AHCTF1: variants seen among roughly 807,000 people sequenced by gnomAD.
The protein encoded by AHCTF1 is protein ELYS.
Under a neutral mutation model 248.4 loss-of-function variants are expected in AHCTF1, and 24 were observed. The ratio of observed to expected loss-of-function variants is 0.10; its 90% CI spans 0.07 to 0.14. The LOEUF is 0.14. AHCTF1 is among the 10% of genes least tolerant of loss of function. AHCTF1 has a pLI of 1.00. For synonymous variants in AHCTF1, 786 were observed against 929.8 expected, an observed-to-expected ratio of 0.85 and a Z score of 2.81; for missense variants, 2,206 against 2,636.2, an observed-to-expected ratio of 0.84 and a Z score of 3.57.
At chr1:246,858,515 A>G (rs1572373496) in intron 29 of AHCTF1, among the ~76,000 whole-genome samples, 1 of 151,884 alleles carries the variant, frequency 6.6e-6, no homozygotes, top group Admixed American at 6.6e-5. Flanking sequence ...GTTGTATGAA[A>G]CCCCACCCAC....
At chr1:246,913,445 C>T (rs759510273) in intron 3 of AHCTF1, 33 bp from the exon 4 acceptor site, 2 of 1,562,374 alleles carry the variant, frequency 1.3e-6, no homozygotes, top group South Asian at 1.2e-5. Flanking sequence ...TGCTTTTCTT[C>T]TGCAAAGTAA....
At chr1:246,841,244 T>A (rs1369573824) in intron 35 of AHCTF1, among the ~76,000 whole-genome samples, 2 of 152,200 alleles carry the variant, frequency 1.3e-5, no homozygotes, top group Admixed American at 6.5e-5. Flanking sequence ...ATTATTCAAT[T>A]ACTGAATTTT....
Position 246,899,347 on chromosome 1 carries a change from C to G in AHCTF1, c.1494+104G>C, listed in dbSNP as rs1028716756. ...AACCTAGCAGAAGCTACCATTTAAG[C>G]TGAAACAACTGTCAATATCACTAAG... On this transcript the variant is annotated intron_variant, in intron 11 of 35. Coordinates refer to ENST00000648844, the MANE Select transcript of AHCTF1 (RefSeq NM_001323342.2). The G allele has an allele frequency of 6.5e-6, 6 of 922,730 alleles. No individual in the cohort carries two copies. In the African/African-American group the frequency reaches 8.6e-5, roughly 13 times the overall value. The allele number at this position is 922,730 out of a possible 1,614,324, so 57.2% of individuals were successfully genotyped here.
At chr1:246,873,185 T>C (rs1442271930) in intron 24 of AHCTF1, among the ~76,000 whole-genome samples, 1 of 152,192 alleles carries the variant, frequency 6.6e-6, no homozygotes, top group East Asian at 1.9e-4. Context: ...TGCCATACTC[T>C]TGATATATTC....
chr1:246,896,320 C>T (rs1040801333), intron 12 of AHCTF1, among the ~76,000 whole-genome samples: 1 of 152,104 alleles, frequency 6.6e-6, no homozygotes, highest in African/African-American at 2.4e-5. Context: ...ACACAAATGC[C>T]CATTAATTGT....
chr1:246,881,889 C>T (rs932028275), intron 21 of AHCTF1, among the ~76,000 whole-genome samples: 7 of 150,820 alleles, frequency 4.6e-5, no homozygotes, highest in African/African-American at 1.7e-4. Context: ...GGGTCTCCTA[C>T]GTTGCCCGGC....
At chr1:246,884,971 C>A (rs1222031437) in intron 21 of AHCTF1, among the ~76,000 whole-genome samples, 1 of 152,178 alleles carries the variant, frequency 6.6e-6, no homozygotes, top group Non-Finnish European at 1.5e-5. Context: ...ATTCCTGACT[C>A]CTTTTCAGCA....
intron 33 of AHCTF1, among the ~76,000 whole-genome samples, chr1:246,849,221 G>T (rs892471154): frequency 6.6e-6 from 1 of 152,172 alleles, no homozygotes; most frequent in African/African-American, 2.4e-5. Flanking sequence ...AAAAGCTACT[G>T]GTGTTTCCCT....
chr1:246,916,129 A>C lies in AHCTF1; in HGVS notation c.375+13T>G, dbSNP rs747070990. ...TGAAAGAGAAATGTCCAGGTATCTT[A>C]AACAGTACCTACCCTTCCAGGAAGA... is the stretch of plus-strand genomic sequence containing the variant. On this transcript the variant is annotated intron_variant, in intron 3 of 35. Transcript: ENST00000648844. 3 of 1,611,698 alleles carry C rather than the reference A, an allele frequency of 1.9e-6. No individual in the cohort carries two copies. In the Admixed American group the frequency reaches 5.0e-5, roughly 27 times the overall value.
At chr1:246,861,443 A>G in intron 28 of AHCTF1, 148 bp from the exon 29 acceptor site, 1 of 806,192 alleles carries the variant, frequency 1.2e-6, no homozygotes, top group South Asian at 1.9e-5. Flanking sequence ...TTCTAAATCC[A>G]TTCTCTTCTA....
intron 28 of AHCTF1, 117 bp from the exon 29 acceptor site, chr1:246,861,412 T>C (rs1661541796): frequency 1.0e-6 from 1 of 968,018 alleles, no homozygotes; most frequent in Non-Finnish European, 1.5e-6. Flanking sequence ...CCAAATTCTC[T>C]CCTTAATAAA....
intron 1 of AHCTF1, among the ~76,000 whole-genome samples, chr1:246,926,428 C>T (rs1323238917): frequency 6.6e-6 from 1 of 152,128 alleles, no homozygotes; most frequent in Non-Finnish European, 1.5e-5. Context: ...CATCATGGTG[C>T]CTAGCACAAA....
At chr1:246,862,195 T>C in intron 27 of AHCTF1, 42 bp from the exon 28 acceptor site, 1 of 1,522,930 alleles carries the variant, frequency 6.6e-7, no homozygotes, top group Non-Finnish European at 8.9e-7. Flanking sequence ...TAAAAGTGCT[T>C]ATAGGCCGGG....
chr1:246,919,703 C>CCA (rs1666388366), intron 1 of AHCTF1, among the ~76,000 whole-genome samples: 2 of 137,692 alleles, frequency 1.5e-5, no homozygotes, highest in African/African-American at 5.3e-5. Flanking sequence ...GACTCCATCT[C>CCA]AAAAAAAAAA....
At chr1:246,929,820 A>G (rs554889383) in intron 1 of AHCTF1, among the ~76,000 whole-genome samples, 55 of 152,324 alleles carry the variant, frequency 3.6e-4, no homozygotes, top group African/African-American at 1.1e-3. Context: ...CTGGGAGGCC[A>G]AGGCGGGCGG....
At chr1:246,911,021 A>G (rs1311729105) in intron 4 of AHCTF1, among the ~76,000 whole-genome samples, 1 of 152,218 alleles carries the variant, frequency 6.6e-6, no homozygotes, top group Non-Finnish European at 1.5e-5. Context: ...AATCAATAAA[A>G]TTTATTTTGC....
chr1:246,891,058 G>T lies in AHCTF1; in HGVS notation c.1948C>A (p.Leu650Met). The change falls in exon 16 of 36, where the codon CTG becomes ATG. Residue 650 changes from leucine (L) to methionine (M), a missense_variant and splice_region_variant. By Grantham distance (15) the Leu-to-Met change is conservative (BLOSUM62 2). This residue lies in a region of AHCTF1 where 650 missense variants were observed against 870.8 expected (regional missense o/e 0.75). Coordinates refer to ENST00000648844, the MANE Select transcript of AHCTF1 (RefSeq NM_001323342.2). Reference sequence around the variant, plus strand: ...ACAAACTTATTGCTTAAGTCTATCAGTCCTGTAAAGAAGAGTTAACATCAG... The same window carrying T: ...ACAAACTTATTGCTTAAGTCTATCATTCCTGTAAAGAAGAGTTAACATCAG... ...SEAREITERGLIDLSNKFVVS... is the reference protein window; with the variant it reads ...SEAREITERGMIDLSNKFVVS... The T allele has an allele frequency of 6.5e-7, 1 of 1,546,234 alleles. No individual in the cohort carries two copies. The highest frequency in any genetic ancestry group is 8.7e-7 in the Non-Finnish European group (1 of 1,155,040).
intron 6 of AHCTF1, 134 bp from the exon 7 acceptor site, chr1:246,904,167 T>C: frequency 1.5e-6 from 1 of 648,978 alleles, no homozygotes; most frequent in Non-Finnish European, 2.7e-6. Context: ...AAATTTAGTT[T>C]TCGGTAATTT....
chr1:246,909,247 T>TAAA (rs34089730), intron 4 of AHCTF1, among the ~76,000 whole-genome samples: 14 of 109,072 alleles, frequency 1.3e-4, no homozygotes, highest in Admixed American at 6.8e-4. Context: ...TCGGCTCTAC[T>TAAA]AAAAAAAAAA....
Sources: allele counts gnomAD v4.1 joint callset (sites outside exome capture counted in the v4.1 genomes callset), GRCh38; gene constraint gnomAD v4.1.1; regional missense constraint gnomAD v4.1.1; transcripts MANE v1.5; gene names NCBI Gene and HGNC (gene_info 2026-07-23, HGNC 2026-07-21).